CTNNAL1: variants seen among roughly 807,000 people sequenced by gnomAD.
CTNNAL1 encodes alpha-catulin.
CTNNAL1 carries 69 observed loss-of-function variants against 93.6 expected under a neutral mutation model. The ratio of observed to expected loss-of-function variants is 0.74; its 90% CI spans 0.61 to 0.90. CTNNAL1 has a LOEUF of 0.90. Among genes scored for constraint, CTNNAL1 ranks in the 40% least tolerant of loss-of-function variants. The pLI is 0.00. For missense variants in CTNNAL1, 836 were observed against 862.0 expected (o/e 0.97, Z 0.38); for synonymous variants, 286 against 305.4 (o/e 0.94, Z 0.66).
chr9:108,976,010 G>C (rs1831256960), intron 8 of CTNNAL1, among the ~76,000 whole-genome samples: 1 of 152,162 alleles, frequency 6.6e-6, no homozygotes, highest in East Asian at 1.9e-4. Context: ...ATTTCAGTGA[G>C]ATAGAATTGA....
intron 4 of CTNNAL1, among the ~76,000 whole-genome samples, chr9:108,985,026 T>A (rs539381674): frequency 6.6e-6 from 1 of 152,336 alleles, no homozygotes; most frequent in East Asian, 1.9e-4. Flanking sequence ...AAGAAAGCAC[T>A]GTGTATTGAA....
At chr9:108,992,081 GA>G (rs761070532) in intron 3 of CTNNAL1, 105 of 764,854 alleles carry the variant, frequency 1.4e-4, no homozygotes, top group Non-Finnish European at 5.4e-5. Context: ...ATTTGGGAGG[GA>G]AAAAAAGTAC....
At chr9:109,009,651 T>A (rs188964648) in intron 1 of CTNNAL1, among the ~76,000 whole-genome samples, 1 of 152,336 alleles carries the variant, frequency 6.6e-6, no homozygotes, top group East Asian at 1.9e-4. Flanking sequence ...TCCACCTTGT[T>A]TCTCTTCTGC....
chr9:108,959,135 A>G (rs1830759967), intron 11 of CTNNAL1, among the ~76,000 whole-genome samples: 1 of 150,560 alleles, frequency 6.6e-6, no homozygotes, highest in Non-Finnish European at 1.5e-5. Context: ...TGAGGCAGGC[A>G]GATTATGAGG....
Position 108,991,535 on chromosome 9 carries a change from A to G in CTNNAL1, c.520-690T>C, listed in dbSNP as rs188967182. ...ATTAGATTGTTTTAGTCGCAACAAG[A>G]TAAGTTAAAAAAAAACACAGATATC... On this transcript the variant is annotated intron_variant, in intron 3 of 18. Transcript: ENST00000325551. Among the ~76,000 whole-genome samples the G allele has an allele frequency of 3.5e-3, 535 of 151,092 alleles. 2 individuals are homozygous for G. The highest frequency in any genetic ancestry group is 4.4e-3 in the Non-Finnish European group (301 of 67,678).
intron 10 of CTNNAL1, among the ~76,000 whole-genome samples, chr9:108,965,957 T>C (rs1339177149): frequency 2.0e-5 from 3 of 152,226 alleles, no homozygotes; most frequent in African/African-American, 4.8e-5. Context: ...AAGTAACATA[T>C]ATACACACCC....
intron 14 of CTNNAL1, chr9:108,950,863 T>C: frequency 2.9e-6 from 1 of 342,348 alleles, no homozygotes; most frequent in Non-Finnish European, 5.3e-6. Flanking sequence ...CTAGGGATCA[T>C]TTTTCAAAAC....
intron 11 of CTNNAL1, among the ~76,000 whole-genome samples, chr9:108,957,108 CT>C (rs1830705747): frequency 6.7e-6 from 1 of 148,684 alleles, no homozygotes; most frequent in African/African-American, 2.5e-5. Context: ...TTTCTTGTGC[CT>C]GTTAGAATTT....
chr9:108,990,761 C>A lies in CTNNAL1; in HGVS notation c.604G>T (p.Val202Leu). The change falls in exon 4 of 19, where the codon GTG becomes TTG. Residue 202 changes from valine (V) to leucine (L), a missense_variant. By Grantham distance (32) the Val-to-Leu change is conservative. Coordinates refer to ENST00000325551, the MANE Select transcript of CTNNAL1 (RefSeq NM_003798.4). ...QIFSQFGNEM[V>L]EFAHLSGDRQ... is the part of the protein sequence containing the mutation. ...TCTCCACTCAGATGTGCAAACTCCA[C>A]CATTTCATTTCCAAATTGACTGAAT... 1 of 1,613,690 alleles carries A rather than the reference C, an allele frequency of 6.2e-7. No homozygotes were observed. The highest frequency in any genetic ancestry group is 1.3e-5 in the African/African-American group (1 of 75,044).
intron 1 of CTNNAL1, among the ~76,000 whole-genome samples, chr9:109,013,083 G>A (rs903600511): frequency 2.0e-5 from 3 of 152,164 alleles, no homozygotes; most frequent in Non-Finnish European, 4.4e-5. Context: ...CTGCTGCCGA[G>A]TCCACTCAAC....
In CTNNAL1 at chr9:108,947,115, C is replaced by CTT. The variant is rs34477684; in HGVS notation, c.1884+1069_1884+1070dup. Among the ~76,000 whole-genome samples the CTT allele has an allele frequency of 6.6e-3, 898 of 136,250 alleles. 7 individuals carry two copies. Among genetic ancestry groups the CTT allele is most frequent in the Non-Finnish European group, 8.5e-3 (542 of 63,642 alleles). The allele number at this position is 136,250 out of a possible 152,430, so 89.4% of individuals were successfully genotyped here. A position where few individuals can be genotyped will look rare whatever the true frequency, so the allele number is the denominator to read the frequency against. ...GTGATAAAGTGATAGAAATTTCTTTCTTTTTTTTTTTTTTTTGAGATGGAG... is the reference window on the plus strand; with the variant it reads ...GTGATAAAGTGATAGAAATTTCTTTCTTTTTTTTTTTTTTTTTTGAGATGGAG... On this transcript the variant is annotated intron_variant, in intron 15 of 18. Coordinates refer to ENST00000325551, the MANE Select transcript of CTNNAL1 (RefSeq NM_003798.4).
At chr9:108,979,213 A>G in intron 7 of CTNNAL1, 68 bp downstream of exon 7, 1 of 1,575,040 alleles carries the variant, frequency 6.3e-7, no homozygotes, top group Non-Finnish European at 8.7e-7. Flanking sequence ...TGTAACTTCC[A>G]TATCTTGCAA....
intron 11 of CTNNAL1, among the ~76,000 whole-genome samples, chr9:108,959,198 A>T (rs2132108488): frequency 6.6e-6 from 1 of 150,896 alleles, no homozygotes; most frequent in South Asian, 2.1e-4. Context: ...TCTCTACTAA[A>T]AATACAAAAA....
intron 15 of CTNNAL1, among the ~76,000 whole-genome samples, chr9:108,946,730 C>T (rs1830414841): frequency 6.6e-6 from 1 of 152,128 alleles, no homozygotes. Flanking sequence ...CCAGATCTGA[C>T]ATATAGCACA....
At chr9:108,949,957 G>A (rs1830511298) in intron 14 of CTNNAL1, among the ~76,000 whole-genome samples, 1 of 150,664 alleles carries the variant, frequency 6.6e-6, no homozygotes, top group African/African-American at 2.4e-5. Context: ...TCAGGAGGCG[G>A]AGGTTGCAGT....
At chr9:108,987,202 T>G (rs1453737304) in intron 4 of CTNNAL1, among the ~76,000 whole-genome samples, 2 of 152,132 alleles carry the variant, frequency 1.3e-5, no homozygotes, top group Non-Finnish European at 2.9e-5. Context: ...AATTAATTTT[T>G]GTATAAGGTG....
chr9:108,982,028 A>G (rs1018850752), intron 6 of CTNNAL1, among the ~76,000 whole-genome samples: 1 of 152,222 alleles, frequency 6.6e-6, no homozygotes, highest in Admixed American at 6.5e-5. Context: ...TAGCATTTGG[A>G]TAACTTCTCA....
intron 12 of CTNNAL1, among the ~76,000 whole-genome samples, chr9:108,955,470 T>C (rs1419788864): frequency 9.9e-5 from 15 of 152,246 alleles, no homozygotes; most frequent in Admixed American, 9.8e-4. Flanking sequence ...AGATCCAAGA[T>C]TGGAAGAACA....
At chr9:108,991,086 G>A (rs1339256570) in intron 3 of CTNNAL1, among the ~76,000 whole-genome samples, 1 of 152,092 alleles carries the variant, frequency 6.6e-6, no homozygotes, top group African/African-American at 2.4e-5. Flanking sequence ...AAAGGAAAAG[G>A]AAAAAGAATA....
Sources: gnomAD v4.1 joint callset for allele counts (sites outside exome capture counted in the v4.1 genomes callset) on GRCh38, gnomAD v4.1.1 for gene constraint, MANE v1.5 for transcripts, NCBI Gene and HGNC (gene_info 2026-07-23, HGNC 2026-07-21) for gene names.